The following TMEM268 variants were observed in gnomAD, a reference collection of about 807,000 sequenced individuals.
TMEM268 encodes transmembrane protein C9orf91.
A neutral mutation model predicts 39.1 loss-of-function variants in TMEM268; 24 were observed. The ratio of observed to expected loss-of-function variants is 0.61; its 90% CI spans 0.44 to 0.86. The LOEUF (loss-of-function observed/expected upper bound fraction) is 0.86, where lower values mean the gene tolerates loss of function less well. Among genes scored for constraint, TMEM268 ranks in the 40% least tolerant of loss-of-function variants. The pLI is 0.00. For synonymous variants in TMEM268, 176 were observed against 173.5 expected, an observed-to-expected ratio of 1.01 and a Z score of -0.12; for missense variants, 409 against 428.6, an observed-to-expected ratio of 0.95 and a Z score of 0.40.
Position 114,624,556 on chromosome 9 carries a change from GTC to G in TMEM268, c.216+99_216+100del, listed in dbSNP as rs943079962. ...TTTTTCACAAAATCTTTATGAAACA[GTC>G]TGTACCAGCTGTCGTAGGGTATATA... On this transcript the variant is annotated intron_variant, in intron 3 of 8. Coordinates refer to ENST00000288502, the MANE Select transcript of TMEM268 (RefSeq NM_153045.4). The G allele has an allele frequency of 3.3e-6, 5 of 1,493,184 alleles. No homozygotes were observed. The Admixed American group carries it at 1.1e-4, about 32-fold the overall frequency. 92.5% of individuals were successfully genotyped at this position (1,493,184 alleles called of 1,614,324 possible).
rs1846078626 is a variant in TMEM268 at position 114,624,462 on chromosome 9, G to A, written c.216+3G>A. On this transcript the variant is annotated splice_donor_region_variant and intron_variant, in intron 3 of 8. Coordinates refer to ENST00000288502, the MANE Select transcript of TMEM268 (RefSeq NM_153045.4). ...AACTGCAAACTTGGGGCATCCAGGT[G>A]AGTGCTGATTTCCTTGAATCCCTAC... 1 of 1,566,884 alleles carries A rather than the reference G, an allele frequency of 6.4e-7. No individual in the cohort carries two copies. Among genetic ancestry groups the A allele is most frequent in the Non-Finnish European group, 8.7e-7 (1 of 1,153,958 alleles).
At chr9:114,610,419 A>C (rs757879861), upstream of TMEM268, among the ~76,000 whole-genome samples, 4 of 152,216 alleles carry the variant, frequency 2.6e-5, no homozygotes, top group Non-Finnish European at 5.9e-5. Context: ...TGTGCCCCTT[A>C]AAAGGAAATG....
At chr9:114,625,989 G>A (rs1172538836) in intron 3 of TMEM268, among the ~76,000 whole-genome samples, 4 of 151,030 alleles carry the variant, frequency 2.6e-5, no homozygotes, top group Non-Finnish European at 4.4e-5. Flanking sequence ...ACCATGCCCA[G>A]CTAATTTTTG....
chr9:114,645,347 G>A lies in TMEM268; in HGVS notation c.*2034G>A, dbSNP rs963163972. On this transcript the variant is annotated 3_prime_UTR_variant, in exon 9 of 9. Coordinates refer to ENST00000288502, the MANE Select transcript of TMEM268 (RefSeq NM_153045.4). ...CTTGGCTAAGTCACTTAACCTTTCT[G>A]ATTGTCATTTCGCTTTTTAATAAAG... is the stretch of plus-strand genomic sequence containing the variant. 1.3e-5 allele frequency: 2 copies of A among 152,344 alleles called. No homozygotes were observed. Among genetic ancestry groups the A allele is most frequent in the African/African-American group, 4.8e-5 (2 of 41,456 alleles). The allele number at this position is 152,344 out of a possible 1,614,324, so 9.4% of individuals were successfully genotyped here. A position where few individuals can be genotyped will look rare whatever the true frequency, so the allele number is the denominator to read the frequency against.
chr9:114,611,189 C>T (rs1845467640), upstream of TMEM268: 1 of 152,294 alleles, frequency 6.6e-6, no homozygotes, highest in Non-Finnish European at 1.5e-5. Context: ...TAAGCCGCTC[C>T]TTTACAGTGG....
intron 1 of TMEM268, among the ~76,000 whole-genome samples, chr9:114,613,168 A>G (rs942754818): frequency 7.9e-5 from 12 of 152,140 alleles, no homozygotes; most frequent in East Asian, 1.9e-4. Flanking sequence ...ATTACAGGAA[A>G]CAGCCTCCAG....
At chr9:114,610,444 G>A (rs781582839), upstream of TMEM268, among the ~76,000 whole-genome samples, 1 of 152,204 alleles carries the variant, frequency 6.6e-6, no homozygotes, top group South Asian at 2.1e-4. Flanking sequence ...AGTGTGGCGC[G>A]TTCTGGCCGA....
At chr9:114,635,956 T>C (rs1846616552) in intron 6 of TMEM268, among the ~76,000 whole-genome samples, 1 of 152,168 alleles carries the variant, frequency 6.6e-6, no homozygotes, top group African/African-American at 2.4e-5. Context: ...AAAGGAACCA[T>C]TTGAGAAATC....
the TMEM268 span, among the ~76,000 whole-genome samples, chr9:114,604,396 A>C: frequency 0.22 from 33,069 of 151,522 alleles, 3,611 homozygotes; most frequent in Middle Eastern, 0.27. Flanking sequence ...TGGCCAACAT[A>C]GCGAAACCCT....
Position 114,617,155 on chromosome 9 carries a change from C to T in TMEM268, c.-41C>T. On this transcript the variant is annotated 5_prime_UTR_variant, in exon 2 of 9. It introduces an in-frame stop codon into an upstream open reading frame of the 5' UTR. Coordinates refer to ENST00000288502, the MANE Select transcript of TMEM268 (RefSeq NM_153045.4). ...GAGCTGGCTGCTCCAGAATGAACCA[C>T]AGCTCTGAGAAGGGGAAGTAGAAAC... is the stretch of plus-strand genomic sequence containing the variant. The T allele has an allele frequency of 3.7e-6, 5 of 1,348,572 alleles. No individual in the cohort carries two copies. In the Admixed American group the frequency reaches 8.2e-5, roughly 22 times the overall value. 83.5% of individuals were successfully genotyped at this position (1,348,572 alleles called of 1,614,324 possible). A position where few individuals can be genotyped will look rare whatever the true frequency, so the allele number is the denominator to read the frequency against.
chr9:114,642,984 C>T (rs933168780), intron 8 of TMEM268, 150 bp from the exon 9 acceptor site: 1 of 719,108 alleles, frequency 1.4e-6, no homozygotes, highest in Non-Finnish European at 2.3e-6. Flanking sequence ...TTCTGAGAGT[C>T]CTAGGTGCTG....
chr9:114,633,651 A>G, intron 5 of TMEM268, 117 bp from the exon 6 acceptor site: 1 of 540,322 alleles, frequency 1.9e-6, no homozygotes, highest in South Asian at 2.7e-5. Flanking sequence ...GACAGTCCTG[A>G]GGGTGGGGAT....
chr9:114,607,985 C>T (rs74355762), upstream of TMEM268, among the ~76,000 whole-genome samples: 3,861 of 151,922 alleles, frequency 0.025, 88 homozygotes, highest in East Asian at 0.081. Flanking sequence ...AAAGATTAGT[C>T]CAGGGTAGGC....
intron 4 of TMEM268, among the ~76,000 whole-genome samples, chr9:114,627,304 A>G (rs1335446555): frequency 9.2e-5 from 14 of 152,234 alleles, no homozygotes; most frequent in Admixed American, 9.2e-4. Flanking sequence ...GGCCTTGGCC[A>G]AGACTTTCCT....
chr9:114,612,082 GC>G (rs1845523083), intron 1 of TMEM268, among the ~76,000 whole-genome samples: 1 of 152,112 alleles, frequency 6.6e-6, no homozygotes, highest in South Asian at 2.1e-4. Flanking sequence ...AGGTTTTTCC[GC>G]CCCGAAACTT....
intron 8 of TMEM268, among the ~76,000 whole-genome samples, chr9:114,639,195 G>T (rs906893149): frequency 2.0e-5 from 3 of 152,094 alleles, no homozygotes; most frequent in Non-Finnish European, 4.4e-5. Context: ...GGGTGCAGTG[G>T]TGTGATCACT....
At chr9:114,639,435 C>G in intron 8 of TMEM268, among the ~76,000 whole-genome samples, 1 of 152,082 alleles carries the variant, frequency 6.6e-6, no homozygotes, top group Non-Finnish European at 1.5e-5. Context: ...TTCCTGCAGC[C>G]CCAGAGTTCT....
At position 114,627,010 on chromosome 9, in the gene TMEM268, AG is replaced by A; in HGVS notation, c.324+9del. 3 of 1,600,092 alleles carry A rather than the reference AG, an allele frequency of 1.9e-6. No homozygotes were observed. Among genetic ancestry groups the A allele is most frequent in the Non-Finnish European group, 2.6e-6 (3 of 1,167,878 alleles). Reference sequence around the variant, plus strand: ...TATGCGGCTGGCCTTTGCTGTGGTAAGGGGGAGGTGGCCCGCACACTGACCC... The same window carrying A: ...TATGCGGCTGGCCTTTGCTGTGGTAAGGGGAGGTGGCCCGCACACTGACCC... On this transcript the variant is annotated splice_donor_5th_base_variant and intron_variant, in intron 4 of 8. Coordinates refer to ENST00000288502, the MANE Select transcript of TMEM268 (RefSeq NM_153045.4).
chr9:114,624,405 C>A lies in TMEM268; in HGVS notation c.162C>A (p.Pro54=). 1 of 1,601,998 alleles carries A rather than the reference C, an allele frequency of 6.2e-7. No homozygotes were observed. ...TVLRIDNTCA[P]ISFDLGAAEE... ...TCCGGATTGACAATACCTGTGCACCCATCTCCTTCGACCTGGGAGCCGCAG... is the reference window on the plus strand; with the variant it reads ...TCCGGATTGACAATACCTGTGCACCAATCTCCTTCGACCTGGGAGCCGCAG... The change falls in exon 3 of 9, where the codon CCC becomes CCA. Residue 54 remains proline, a synonymous_variant. Transcript: ENST00000288502.
Sources: allele counts gnomAD v4.1 joint callset (sites outside exome capture counted in the v4.1 genomes callset), GRCh38; gene constraint gnomAD v4.1.1; transcripts MANE v1.5; gene names NCBI Gene and HGNC (gene_info 2026-07-23, HGNC 2026-07-21).